The following BRINP3 variants were observed in gnomAD, a reference collection of about 807,000 sequenced individuals.
BRINP3 encodes BMP/retinoic acid inducible neural specific 3.
Under a neutral mutation model 71.0 loss-of-function variants are expected in BRINP3, and 19 were observed. The ratio of observed to expected loss-of-function variants is 0.27; its 90% CI spans 0.19 to 0.39. The LOEUF (loss-of-function observed/expected upper bound fraction) is 0.39. BRINP3 is among the 10% of genes least tolerant of loss of function. BRINP3 has a pLI of 1.00. For missense variants in BRINP3, 959 were observed against 940.8 expected (o/e 1.02, Z -0.25); for synonymous variants, 380 against 337.7 (o/e 1.13, Z -1.37).
chr1:190,203,451 G>GTA (rs377117248), intron 6 of BRINP3, among the ~76,000 whole-genome samples: 17,756 of 146,764 alleles, frequency 0.12, 1,574 homozygotes, highest in South Asian at 0.25. Context: ...ATGTGTGTGT[G>GTA]TATATATATA....
intron 2 of BRINP3, among the ~76,000 whole-genome samples, chr1:190,427,481 T>C (rs1673789155): frequency 6.6e-6 from 1 of 152,018 alleles, no homozygotes. Flanking sequence ...TGAATGTAAA[T>C]CACATTTCTG....
intron 1 of BRINP3, chr1:190,475,637 C>G (rs556008311): frequency 1.4e-4 from 21 of 152,286 alleles, no homozygotes; most frequent in African/African-American, 4.6e-4. Flanking sequence ...TAGGCGTTGC[C>G]GTGAGCTGCG....
intron 6 of BRINP3, among the ~76,000 whole-genome samples, chr1:190,179,592 T>C (rs542788686): frequency 6.6e-6 from 1 of 152,302 alleles, no homozygotes; most frequent in South Asian, 2.1e-4. Context: ...CTCTATTTTA[T>C]TATTTTAAAT....
At chr1:190,193,491 G>A (rs1654221882) in intron 6 of BRINP3, among the ~76,000 whole-genome samples, 1 of 151,960 alleles carries the variant, frequency 6.6e-6, no homozygotes, top group Non-Finnish European at 1.5e-5. Context: ...GGTGATTGTG[G>A]TAGGCTGAAA....
chr1:190,102,216 A>G (rs925589171), intron 7 of BRINP3, among the ~76,000 whole-genome samples: 1 of 152,174 alleles, frequency 6.6e-6, no homozygotes, highest in Non-Finnish European at 1.5e-5. Flanking sequence ...CAGCAGTCAA[A>G]AATAAAGACT....
intron 3 of BRINP3, among the ~76,000 whole-genome samples, chr1:190,267,710 T>C (rs913877046): frequency 6.6e-6 from 1 of 151,920 alleles, no homozygotes; most frequent in Non-Finnish European, 1.5e-5. Context: ...ACATAACGAA[T>C]TGACAGAATA....
chr1:190,352,645 T>G (rs1384003864), intron 2 of BRINP3, among the ~76,000 whole-genome samples: 2 of 152,154 alleles, frequency 1.3e-5, no homozygotes, highest in East Asian at 3.9e-4. Flanking sequence ...CATATTTATA[T>G]GAAACATCTC....
At chr1:190,116,234 G>A (rs1317579445) in intron 7 of BRINP3, among the ~76,000 whole-genome samples, 1 of 152,040 alleles carries the variant, frequency 6.6e-6, no homozygotes, top group East Asian at 1.9e-4. Context: ...GAAAGTATCT[G>A]CCTTTCACAA....
intron 5 of BRINP3, among the ~76,000 whole-genome samples, chr1:190,232,787 CTGAT>C (rs1422077167): frequency 1.3e-5 from 2 of 151,946 alleles, no homozygotes; most frequent in African/African-American, 2.4e-5. Context: ...TTATAATAAA[CTGAT>C]TGAAGTAGTC....
chr1:190,209,465 T>A (rs533999640), intron 6 of BRINP3, among the ~76,000 whole-genome samples: 97 of 152,186 alleles, frequency 6.4e-4, no homozygotes, highest in Middle Eastern at 3.4e-3. Flanking sequence ...ACATACAGTT[T>A]TTTCTCAAGC....
At chr1:190,242,185 T>C (rs924982856) in intron 4 of BRINP3, among the ~76,000 whole-genome samples, 6 of 151,990 alleles carry the variant, frequency 3.9e-5, no homozygotes, top group African/African-American at 1.4e-4. Flanking sequence ...AGTAGCAAAA[T>C]GTTTCTTAAT....
intron 7 of BRINP3, among the ~76,000 whole-genome samples, chr1:190,140,162 T>C (rs1200627581): frequency 2.0e-5 from 3 of 152,210 alleles, no homozygotes; most frequent in Non-Finnish European, 4.4e-5. Context: ...ATTTGAGTAT[T>C]TTTTATTTTG....
chr1:190,418,908 T>C (rs748862415), intron 2 of BRINP3, among the ~76,000 whole-genome samples: 3 of 152,144 alleles, frequency 2.0e-5, no homozygotes, highest in Non-Finnish European at 4.4e-5. Flanking sequence ...ATTAAAAATA[T>C]TCCTCTGAGC....
At chr1:190,131,032 A>C (rs535502409) in intron 7 of BRINP3, among the ~76,000 whole-genome samples, 2 of 151,852 alleles carry the variant, frequency 1.3e-5, no homozygotes, top group African/African-American at 4.8e-5. Context: ...TATTGTGTTC[A>C]TTCATTACTC....
intron 4 of BRINP3, among the ~76,000 whole-genome samples, chr1:190,250,633 A>G (rs762633909): frequency 1.3e-5 from 2 of 151,956 alleles, no homozygotes; most frequent in Non-Finnish European, 2.9e-5. Context: ...GTAATAGGAA[A>G]TAAGAGACTC....
intron 7 of BRINP3, among the ~76,000 whole-genome samples, chr1:190,120,635 C>T (rs1653562695): frequency 6.6e-6 from 1 of 151,528 alleles, no homozygotes; most frequent in South Asian, 2.1e-4. Context: ...GCTGGGATTA[C>T]AGGCACCAGC....
intron 4 of BRINP3, among the ~76,000 whole-genome samples, chr1:190,252,845 T>C (rs1660273305): frequency 2.0e-5 from 3 of 151,868 alleles, no homozygotes; most frequent in African/African-American, 7.3e-5. Flanking sequence ...GGTTTGTTAC[T>C]TAGGTATACA....
At chr1:190,120,505 TA>T (rs1302843329) in intron 7 of BRINP3, among the ~76,000 whole-genome samples, 9 of 152,164 alleles carry the variant, frequency 5.9e-5, no homozygotes, top group Admixed American at 4.6e-4. Context: ...TTAATTAATT[TA>T]TTTTTTTGAG....
At chr1:190,296,091 C>G in intron 2 of BRINP3, among the ~76,000 whole-genome samples, 1 of 147,204 alleles carries the variant, frequency 6.8e-6, no homozygotes, top group African/African-American at 2.5e-5. Context: ...GGGGGCTGGG[C>G]TTTTGGTGTT....
Sources: allele counts gnomAD v4.1 joint callset (sites outside exome capture counted in the v4.1 genomes callset), GRCh38; gene constraint gnomAD v4.1.1; transcripts MANE v1.5; gene names NCBI Gene and HGNC (gene_info 2026-07-23, HGNC 2026-07-21).